The following SNTB2 variants were observed in gnomAD, a reference collection of about 807,000 sequenced individuals.
SNTB2 encodes beta-2-syntrophin.
SNTB2 carries 34 observed loss-of-function variants against 46.2 expected under a neutral mutation model. The ratio of observed to expected loss-of-function variants is 0.74; its 90% CI spans 0.56 to 0.98. The LOEUF (loss-of-function observed/expected upper bound fraction) is 0.98, where lower values mean the gene tolerates loss of function less well. Ranked by LOEUF, SNTB2 falls within the 50% of genes least tolerant of loss-of-function variation. The pLI, the probability that SNTB2 is intolerant of heterozygous loss-of-function variation, is 0.00. For synonymous variants in SNTB2, 290 were observed against 312.6 expected, an observed-to-expected ratio of 0.93 and a Z score of 0.76; for missense variants, 603 against 731.4, an observed-to-expected ratio of 0.82 and a Z score of 2.02.
chr16:69,261,803 C>T (rs1964837301), intron 3 of SNTB2, among the ~76,000 whole-genome samples: 1 of 152,210 alleles, frequency 6.6e-6, no homozygotes, highest in African/African-American at 2.4e-5. Context: ...TGGGTGAAAA[C>T]TCTTGCCCTC....
intron 1 of SNTB2, among the ~76,000 whole-genome samples, chr16:69,238,229 G>T (rs545189743): frequency 6.6e-6 from 1 of 152,232 alleles, no homozygotes; most frequent in South Asian, 2.1e-4. Context: ...CCCCCAATTC[G>T]CAGGTCAGTG....
chr16:69,187,765 GAGGGT>G lies in SNTB2; in HGVS notation c.580+20_580+24del. The G allele has an allele frequency of 8.3e-7, 1 of 1,203,204 alleles. No homozygotes were observed. The highest frequency in any genetic ancestry group is 1.1e-6 in the Non-Finnish European group (1 of 908,614). 74.5% of individuals were successfully genotyped at this position (1,203,204 alleles called of 1,614,324 possible). On this transcript the variant is annotated intron_variant, in intron 1 of 6. Transcript: ENST00000336278. ...CTGGAGGGTGAGCGGGGCCGGGCGGGAGGGTGGGCAGGCCGCGGCGGCCTGGGCTC... is the reference window on the plus strand; with the variant it reads ...CTGGAGGGTGAGCGGGGCCGGGCGGGGGGCAGGCCGCGGCGGCCTGGGCTC...
chr16:69,195,047 G>A (rs1007998591), intron 1 of SNTB2, among the ~76,000 whole-genome samples: 1 of 152,116 alleles, frequency 6.6e-6, no homozygotes, highest in African/African-American at 2.4e-5. Context: ...ATTATTTTCA[G>A]TATTTTATTG....
chr16:69,189,312 C>T (rs915007104), intron 1 of SNTB2, among the ~76,000 whole-genome samples: 9 of 152,220 alleles, frequency 5.9e-5, no homozygotes, highest in Non-Finnish European at 1.2e-4. Flanking sequence ...AAAACTGTTA[C>T]TCTAAACGTG....
At chr16:69,233,906 G>C (rs907271250) in intron 1 of SNTB2, among the ~76,000 whole-genome samples, 1 of 152,166 alleles carries the variant, frequency 6.6e-6, no homozygotes, top group African/African-American at 2.4e-5. Flanking sequence ...GAGCCTAGGA[G>C]TTTGAGGCTG....
chr16:69,298,711 G>A lies in SNTB2; in HGVS notation c.1346-879G>A, dbSNP rs148420891. Among the ~76,000 whole-genome samples the A allele has an allele frequency of 6.3e-3, 950 of 151,706 alleles. 9 individuals carry two copies. The highest frequency in any genetic ancestry group is 0.022 in the African/African-American group (905 of 41,360). On this transcript the variant is annotated intron_variant, in intron 5 of 6. Coordinates refer to ENST00000336278, the MANE Select transcript of SNTB2 (RefSeq NM_006750.4). Reference sequence around the variant, plus strand: ...TAATTTTTGTATTTTTAGTAGAGACGGGGTTTCGCCATGTTGGCCAGGCTA... The same window carrying A: ...TAATTTTTGTATTTTTAGTAGAGACAGGGTTTCGCCATGTTGGCCAGGCTA...
intron 4 of SNTB2, among the ~76,000 whole-genome samples, chr16:69,283,254 T>A (rs1400797721): frequency 6.6e-6 from 1 of 152,202 alleles, no homozygotes; most frequent in African/African-American, 2.4e-5. Context: ...AGTCACTGCA[T>A]GCATCCAGAT....
intron 2 of SNTB2, among the ~76,000 whole-genome samples, chr16:69,257,666 C>T (rs1050897912): frequency 6.6e-5 from 10 of 152,112 alleles, no homozygotes; most frequent in Non-Finnish European, 1.5e-4. Context: ...AGGATGGTTT[C>T]GATCTGCTGA....
At chr16:69,299,082 A>G (rs2143206519) in intron 5 of SNTB2, among the ~76,000 whole-genome samples, 1 of 152,148 alleles carries the variant, frequency 6.6e-6, no homozygotes, top group South Asian at 2.1e-4. Context: ...ATTAAATCGA[A>G]CAGATGTCAA....
At chr16:69,200,161 G>T (rs1385545556) in intron 1 of SNTB2, among the ~76,000 whole-genome samples, 1 of 152,142 alleles carries the variant, frequency 6.6e-6, no homozygotes, top group Non-Finnish European at 1.5e-5. Context: ...TGATCCGCCT[G>T]CCTCGGCCTC....
chr16:69,187,615 C>A lies in SNTB2; in HGVS notation c.449C>A (p.Ala150Asp). Residue 150 changes from alanine (A) to aspartate (D), a missense_variant, in exon 1 of 7, where the codon GCT becomes GAT. Physicochemically the swap from Ala to Asp is moderately radical, Grantham distance 126. Coordinates refer to ENST00000336278, the MANE Select transcript of SNTB2 (RefSeq NM_006750.4). Reference sequence around the variant, plus strand: ...ATCTCCAAGATCTTCCCCGGGCTGGCTGCCGACCAGAGCCGGGCGCTGCGG... The same window carrying A: ...ATCTCCAAGATCTTCCCCGGGCTGGATGCCGACCAGAGCCGGGCGCTGCGG... Reference protein sequence around the residue: ...ILISKIFPGLAADQSRALRLG... With the variant: ...ILISKIFPGLDADQSRALRLG... 6.4e-7 allele frequency: 1 copy of A among 1,557,718 alleles called. No individual in the cohort carries two copies. Among genetic ancestry groups the A allele is most frequent in the Non-Finnish European group, 8.6e-7 (1 of 1,156,694 alleles).
chr16:69,289,588 A>G (rs1439937385), intron 5 of SNTB2, among the ~76,000 whole-genome samples: 2 of 152,188 alleles, frequency 1.3e-5, no homozygotes, highest in African/African-American at 4.8e-5. Context: ...ATGTAACAAA[A>G]TATCAGGTAA....
At position 69,241,491 on chromosome 16, in the gene SNTB2, T is replaced by A. The variant is rs1015791247; in HGVS notation, c.581-4111T>A. On this transcript the variant is annotated intron_variant, in intron 1 of 6. Coordinates refer to ENST00000336278, the MANE Select transcript of SNTB2 (RefSeq NM_006750.4). ...ATGCTCAGCACCAGCCTAGATAAGC[T>A]TTAAAAAGCCAGGGTGGGCGTGGTG... Among the ~76,000 whole-genome samples the A allele has an allele frequency of 4.5e-4, 67 of 149,836 alleles. 1 individual carries two copies. The highest frequency in any genetic ancestry group is 1.9e-3 in the Admixed American group (28 of 15,084).
chr16:69,236,294 G>A (rs1964559992), intron 1 of SNTB2, among the ~76,000 whole-genome samples: 2 of 152,268 alleles, frequency 1.3e-5, no homozygotes, highest in Admixed American at 6.5e-5. Context: ...GAGTGGCCTG[G>A]TATGAGTTGG....
At chr16:69,264,824 GAAAGAAGA>G (rs999075108) in intron 3 of SNTB2, among the ~76,000 whole-genome samples, 4 of 152,026 alleles carry the variant, frequency 2.6e-5, no homozygotes, top group South Asian at 2.1e-4. Context: ...CCAAAACTGA[GAAAGAAGA>G]AAAGAAGAAA....
rs3087058 is a variant in SNTB2 at position 69,284,459 on chromosome 16, TAAAAAAAAAAAA to T, written c.1345+237_1345+248del. On this transcript the variant is annotated intron_variant, in intron 5 of 6. Transcript: ENST00000336278. ...CAACATGGTGAAACCCCGTCTTTACTAAAAAAAAAAAAAAAAAAAAAAAAAAAAAAAAATCCG... is the reference window on the plus strand; with the variant it reads ...CAACATGGTGAAACCCCGTCTTTACTAAAAAAAAAAAAAAAAAAAAATCCG... Among the ~76,000 whole-genome samples the T allele has an allele frequency of 6.5e-4, 30 of 45,910 alleles. No individual in the cohort carries two copies. In the East Asian group the frequency reaches 7.5e-3, roughly 11 times the overall value. The allele number at this position is 45,910 out of a possible 152,430, so 30.1% of individuals were successfully genotyped here. A position where few individuals can be genotyped will look rare whatever the true frequency, so the allele number is the denominator to read the frequency against.
chr16:69,225,359 G>C (rs568732210), intron 1 of SNTB2, among the ~76,000 whole-genome samples: 1 of 152,350 alleles, frequency 6.6e-6, no homozygotes, highest in South Asian at 2.1e-4. Context: ...GGTTTATCCA[G>C]CTAGTCCAGA....
At chr16:69,265,233 A>T (rs1964873189) in intron 3 of SNTB2, among the ~76,000 whole-genome samples, 1 of 152,042 alleles carries the variant, frequency 6.6e-6, no homozygotes, top group Admixed American at 6.5e-5. Flanking sequence ...TGGGCAACAA[A>T]GCGAGACTCT....
intron 3 of SNTB2, among the ~76,000 whole-genome samples, chr16:69,266,678 C>G (rs895440373): frequency 2.6e-5 from 4 of 151,980 alleles, no homozygotes. Flanking sequence ...CTTCAAAAAT[C>G]TCTCTCTTAT....
Sources: gnomAD v4.1 joint callset for allele counts (sites outside exome capture counted in the v4.1 genomes callset) on GRCh38, gnomAD v4.1.1 for gene constraint, MANE v1.5 for transcripts, NCBI Gene and HGNC (gene_info 2026-07-23, HGNC 2026-07-21) for gene names.